The following DOP1B variants were observed in gnomAD, a reference collection of about 807,000 sequenced individuals.
The protein encoded by DOP1B is DOP1 leucine zipper like protein B.
A neutral mutation model predicts 233.5 loss-of-function variants in DOP1B; 174 were observed. That is an observed-to-expected ratio of 0.75 (90% CI 0.66 to 0.85). The LOEUF (loss-of-function observed/expected upper bound fraction) is 0.85, where lower values mean the gene tolerates loss of function less well. DOP1B is among the 40% of genes least tolerant of loss of function. The pLI is 0.00. For synonymous variants in DOP1B, 1,190 were observed against 1,185.6 expected (o/e 1.00, Z -0.08); for missense variants, 2,652 against 2,846.6 (o/e 0.93, Z 1.56).
intron 2 of DOP1B, among the ~76,000 whole-genome samples, chr21:36,188,186 G>C (rs920532340): frequency 2.0e-5 from 3 of 152,120 alleles, no homozygotes; most frequent in Non-Finnish European, 4.4e-5. Flanking sequence ...AACTGACTTA[G>C]GTAAATACAA....
chr21:36,196,294 G>A (rs745454897), intron 2 of DOP1B, among the ~76,000 whole-genome samples: 5 of 152,204 alleles, frequency 3.3e-5, no homozygotes, highest in Non-Finnish European at 5.9e-5. Context: ...GTTAGCCTGT[G>A]ATCAGTAAGC....
intron 32 of DOP1B, among the ~76,000 whole-genome samples, chr21:36,284,934 A>T (rs1355343107): frequency 6.7e-6 from 1 of 150,178 alleles, no homozygotes; most frequent in Non-Finnish European, 1.5e-5. Context: ...ATAAATAGTA[A>T]TATTAAATAT....
chr21:36,180,329 G>A (rs111358005), intron 2 of DOP1B, among the ~76,000 whole-genome samples: 1,949 of 152,304 alleles, frequency 0.013, 39 homozygotes, highest in African/African-American at 0.045. Context: ...AGGGCTTTGG[G>A]AGGCTGAGGC....
intron 23 of DOP1B, among the ~76,000 whole-genome samples, chr21:36,258,139 G>A (rs2067129480): frequency 1.3e-5 from 2 of 152,202 alleles, no homozygotes; most frequent in Middle Eastern, 3.4e-3. Context: ...GTGTTAAAGG[G>A]TGGCTCACTC....
chr21:36,275,940 A>G (rs955354126), intron 27 of DOP1B, among the ~76,000 whole-genome samples: 3 of 152,142 alleles, frequency 2.0e-5, no homozygotes, highest in Admixed American at 6.6e-5. Flanking sequence ...AGTAGGACTC[A>G]GGGACTGGAA....
intron 1 of DOP1B, among the ~76,000 whole-genome samples, chr21:36,163,722 G>T (rs185917726): frequency 1.0e-3 from 158 of 152,300 alleles, no homozygotes; most frequent in Non-Finnish European, 1.7e-3. Context: ...AAACCTGATA[G>T]AACAGTGGCT....
chr21:36,186,325 C>T (rs1347810728), intron 2 of DOP1B, among the ~76,000 whole-genome samples: 3 of 151,946 alleles, frequency 2.0e-5, no homozygotes. Context: ...TGTATGTGTA[C>T]ACGTGTGGGA....
At chr21:36,228,027 T>G (rs2066713707) in intron 13 of DOP1B, 150 bp downstream of exon 13, 2 of 814,310 alleles carry the variant, frequency 2.5e-6, no homozygotes, top group South Asian at 4.8e-5. Context: ...AAACCCTCAC[T>G]TTAAAAGGTT....
chr21:36,258,051 A>G (rs1325056434), intron 23 of DOP1B, among the ~76,000 whole-genome samples: 6 of 151,122 alleles, frequency 4.0e-5, no homozygotes, highest in African/African-American at 9.8e-5. Flanking sequence ...AGGTAGGTAG[A>G]TAGATGTAGG....
rs756038924 is a variant in DOP1B at position 36,288,756 on chromosome 21, A to G, written c.6298A>G (p.Ile2100Val). 1.6e-5 allele frequency: 25 copies of G among 1,608,172 alleles called. No individual in the cohort carries two copies. The highest frequency in any genetic ancestry group is 1.7e-4 in the Middle Eastern group (1 of 5,992). ...SLWPIMVSEL[I>V]QTFTQLEEDL... ...TAACTTGAATGCATTTTTTTTTCAGATTCAGACATTCACACAGCTTGAAGA... is the reference window on the plus strand; with the variant it reads ...TAACTTGAATGCATTTTTTTTTCAGGTTCAGACATTCACACAGCTTGAAGA... Residue 2100 changes from isoleucine (I) to valine (V), a missense_variant and splice_region_variant, in exon 34 of 37, where the codon ATT becomes GTT. Coordinates refer to ENST00000691173, the MANE Select transcript of DOP1B (RefSeq NM_001320714.2).
chr21:36,168,996 G>T (rs577913193), intron 2 of DOP1B: 34 of 752,316 alleles, frequency 4.5e-5, no homozygotes, highest in Middle Eastern at 3.8e-4. Flanking sequence ...TTTGCAATTC[G>T]GTCTTTCTCG....
intron 32 of DOP1B, among the ~76,000 whole-genome samples, chr21:36,284,232 G>A (rs1317472845): frequency 6.9e-6 from 1 of 144,152 alleles, no homozygotes; most frequent in African/African-American, 2.6e-5. Flanking sequence ...TTACAGGCAT[G>A]AGCCACCGTG....
chr21:36,203,650 G>T lies in DOP1B; in HGVS notation c.491+3149G>T, dbSNP rs55766026. Reference sequence around the variant, plus strand: ...GCAGAAAGGGAGGGTGCAGTGGGGGGGGTCATGATGAGCACGTGGGTAGAA... The same window carrying T: ...GCAGAAAGGGAGGGTGCAGTGGGGGTGGTCATGATGAGCACGTGGGTAGAA... On this transcript the variant is annotated intron_variant, in intron 4 of 36. Transcript: ENST00000691173. Among the ~76,000 whole-genome samples, 458 of 152,110 alleles carry T rather than the reference G, an allele frequency of 3.0e-3. 1 individual carries two copies. Among genetic ancestry groups the T allele is most frequent in the Non-Finnish European group, 4.7e-3 (317 of 67,986 alleles).
intron 32 of DOP1B, among the ~76,000 whole-genome samples, chr21:36,283,023 G>GTT (rs760141990): frequency 3.6e-5 from 5 of 138,270 alleles, no homozygotes; most frequent in Admixed American, 7.4e-5. Flanking sequence ...GATTGTCAGG[G>GTT]TTTTTTTTTT....
At chr21:36,157,012 A>G (rs11702672) in intron 1 of DOP1B, 69 bp downstream of exon 1, 134,584 of 152,248 alleles carry the variant, frequency 0.88, 59,619 homozygotes, top group African/African-American at 0.94. Flanking sequence ...GGAGCCGGGC[A>G]TCTCCTCCCC....
chr21:36,274,624 G>A (rs534999475), intron 27 of DOP1B, among the ~76,000 whole-genome samples: 3 of 152,018 alleles, frequency 2.0e-5, no homozygotes, highest in Non-Finnish European at 2.9e-5. Flanking sequence ...GTGGAGGGCC[G>A]CTGAGAAGCA....
intron 24 of DOP1B, among the ~76,000 whole-genome samples, chr21:36,262,488 GC>G (rs1361214894): frequency 6.6e-6 from 1 of 152,176 alleles, no homozygotes; most frequent in Non-Finnish European, 1.5e-5. Context: ...AGCGGGGTAG[GC>G]CAGTTTCCTG....
At chr21:36,169,824 A>C in intron 2 of DOP1B, 1 of 1,030,212 alleles carries the variant, frequency 9.7e-7, no homozygotes, top group East Asian at 2.4e-5. Context: ...GCCGGTTGTT[A>C]GAGAAACACC....
Position 36,238,590 on chromosome 21 carries a change from T to C in DOP1B, c.2776-11T>C, listed in dbSNP as rs1205221454. 1 of 1,613,166 alleles carries C rather than the reference T, an allele frequency of 6.2e-7. No individual in the cohort carries two copies. The highest frequency in any genetic ancestry group is 8.5e-7 in the Non-Finnish European group (1 of 1,179,180). The stretch of plus-strand genomic sequence containing the variant: ...ACCAAGTTCCTCACTCCCATGTATC[T>C]CCTCATCAAGGGAACAAGGCTGGAA... On this transcript the variant is annotated splice_polypyrimidine_tract_variant and intron_variant, in intron 16 of 36. Coordinates refer to ENST00000691173, the MANE Select transcript of DOP1B (RefSeq NM_001320714.2).
Sources: gnomAD v4.1 joint callset for allele counts (sites outside exome capture counted in the v4.1 genomes callset) on GRCh38, gnomAD v4.1.1 for gene constraint, MANE v1.5 for transcripts, NCBI Gene and HGNC (gene_info 2026-07-23, HGNC 2026-07-21) for gene names.